Variants in CSMD1 observed in about 807,000 individuals in gnomAD.
The protein encoded by CSMD1 is CUB and sushi domain-containing protein 1.
A neutral mutation model predicts 417.5 loss-of-function variants in CSMD1; 213 were observed. That is an observed-to-expected ratio of 0.51 (90% CI 0.46 to 0.57). The LOEUF is 0.57. Among genes scored for constraint, CSMD1 ranks in the 20% least tolerant of loss-of-function variants. CSMD1 has a pLI of 0.00. For missense variants in CSMD1, 6,923 were observed against 4,529.7 expected (o/e 1.53, Z -15.17); for synonymous variants, 2,862 against 1,736.8 (o/e 1.65, Z -16.11).
chr8:3,707,280 G>C (rs550236770), intron 7 of CSMD1, among the ~76,000 whole-genome samples: 15 of 149,514 alleles, frequency 1.0e-4, no homozygotes, highest in Non-Finnish European at 2.1e-4. Flanking sequence ...TCATGCAGAA[G>C]TCTGCTCTAG....
intron 5 of CSMD1, among the ~76,000 whole-genome samples, chr8:3,894,540 C>T (rs1223302938): frequency 6.6e-6 from 1 of 152,046 alleles, no homozygotes; most frequent in Non-Finnish European, 1.5e-5. Flanking sequence ...ATGATAGATT[C>T]CTCAAAAGTG....
At chr8:4,378,876 C>A (rs1563111948) in intron 3 of CSMD1, among the ~76,000 whole-genome samples, 1 of 152,156 alleles carries the variant, frequency 6.6e-6, no homozygotes, top group Non-Finnish European at 1.5e-5. Flanking sequence ...TCAGCCCTTT[C>A]TCTAGTTGCT....
intron 1 of CSMD1, among the ~76,000 whole-genome samples, chr8:4,917,607 C>T (rs2117122966): frequency 6.6e-6 from 1 of 152,238 alleles, no homozygotes; most frequent in Admixed American, 6.5e-5. Context: ...GCACTCCAGC[C>T]TGGGCGACAG....
intron 37 of CSMD1, among the ~76,000 whole-genome samples, chr8:3,180,267 T>A (rs1585572848): frequency 1.3e-5 from 2 of 152,316 alleles, no homozygotes; most frequent in African/African-American, 4.8e-5. Context: ...ATTAACTCTG[T>A]CTCACATCCA....
intron 3 of CSMD1, among the ~76,000 whole-genome samples, chr8:4,072,093 T>C (rs1410807090): frequency 3.3e-5 from 5 of 152,122 alleles, no homozygotes; most frequent in Non-Finnish European, 7.4e-5. Flanking sequence ...GACCTGAAAA[T>C]CAAAAAATGG....
chr8:4,932,627 C>T (rs747352899), intron 1 of CSMD1, among the ~76,000 whole-genome samples: 4 of 152,134 alleles, frequency 2.6e-5, no homozygotes, highest in South Asian at 2.1e-4. Flanking sequence ...AGCAAGTTGA[C>T]GTGTTTCTAT....
At chr8:4,178,541 C>T (rs1268253379) in intron 3 of CSMD1, among the ~76,000 whole-genome samples, 32 of 151,188 alleles carry the variant, frequency 2.1e-4, no homozygotes, top group African/African-American at 6.1e-4. Flanking sequence ...TGCCCTCTCT[C>T]ACCACTCCTA....
intron 52 of CSMD1, 64 bp from the exon 53 acceptor site, chr8:3,000,195 C>G (rs1021959682): frequency 1.6e-5 from 20 of 1,223,810 alleles, no homozygotes; most frequent in Non-Finnish European, 2.1e-5. Context: ...AGTACATTCA[C>G]AACTTTTATT....
chr8:4,723,054 TCTC>T (rs1465308793), intron 1 of CSMD1, among the ~76,000 whole-genome samples: 1 of 152,112 alleles, frequency 6.6e-6, no homozygotes, highest in Non-Finnish European at 1.5e-5. Flanking sequence ...ACAGTATTGA[TCTC>T]CTTTCAAAAG....
intron 3 of CSMD1, among the ~76,000 whole-genome samples, chr8:4,332,233 G>A (rs1316969149): frequency 6.6e-6 from 1 of 152,046 alleles, no homozygotes; most frequent in East Asian, 1.9e-4. Context: ...CGAAGCTAAC[G>A]CTAGCCATTG....
intron 1 of CSMD1, among the ~76,000 whole-genome samples, chr8:4,950,225 T>C (rs1808650412): frequency 6.6e-6 from 1 of 152,206 alleles, no homozygotes; most frequent in African/African-American, 2.4e-5. Context: ...GATGCTTATC[T>C]AATTAAAAAT....
intron 1 of CSMD1, among the ~76,000 whole-genome samples, chr8:4,903,929 G>C (rs934196449): frequency 1.3e-5 from 2 of 152,158 alleles, no homozygotes. Context: ...ATTTCCTTGA[G>C]CCTATTACGG....
At chr8:3,039,103 G>A (rs1810894922) in intron 50 of CSMD1, among the ~76,000 whole-genome samples, 1 of 152,166 alleles carries the variant, frequency 6.6e-6, no homozygotes, top group African/African-American at 2.4e-5. Context: ...TAGAGAAAGT[G>A]GGTGGTTGGC....
At chr8:3,717,449 T>A (rs10091933) in intron 6 of CSMD1, among the ~76,000 whole-genome samples, 53,861 of 151,942 alleles carry the variant, frequency 0.35, 10,188 homozygotes, top group East Asian at 0.5. Context: ...TTATTGTAAC[T>A]GTGAAATATT....
At chr8:4,756,845 C>G (rs899509861) in intron 1 of CSMD1, among the ~76,000 whole-genome samples, 1 of 152,166 alleles carries the variant, frequency 6.6e-6, no homozygotes, top group African/African-American at 2.4e-5. Context: ...AACACAGTGA[C>G]TGAAAAAGGG....
Position 4,880,953 on chromosome 8 carries a change from C to G in CSMD1, c.85+113379G>C, listed in dbSNP as rs142599436. ...GACTTAGCAAACACCCAGAATGGGC[C>G]AGGAATCCATGTTCTCACTATTTCT... On this transcript the variant is annotated intron_variant, in intron 1 of 69. Transcript: ENST00000635120. Among the ~76,000 whole-genome samples the G allele has an allele frequency of 1.6e-3, 242 of 152,104 alleles. 5 individuals are homozygous for G. The highest frequency in any genetic ancestry group is 5.7e-3 in the African/African-American group (238 of 41,456).
intron 3 of CSMD1, among the ~76,000 whole-genome samples, chr8:4,204,926 C>T (rs966517007): frequency 2.0e-5 from 3 of 152,140 alleles, no homozygotes; most frequent in Non-Finnish European, 4.4e-5. Flanking sequence ...TCCCAAAGTG[C>T]TGGGATTACA....
chr8:4,915,762 G>A (rs1806022608), intron 1 of CSMD1, among the ~76,000 whole-genome samples: 1 of 152,194 alleles, frequency 6.6e-6, no homozygotes, highest in Non-Finnish European at 1.5e-5. Context: ...TTCCTGGCGG[G>A]GATTCAAACT....
chr8:3,813,267 T>G (rs1801185550), intron 5 of CSMD1, among the ~76,000 whole-genome samples: 1 of 152,144 alleles, frequency 6.6e-6, no homozygotes, highest in African/African-American at 2.4e-5. Flanking sequence ...ATCAAATTGC[T>G]ATCCATGCAA....
Sources: allele counts gnomAD v4.1 joint callset (sites outside exome capture counted in the v4.1 genomes callset), GRCh38; gene constraint gnomAD v4.1.1; transcripts MANE v1.5; gene names NCBI Gene and HGNC (gene_info 2026-07-23, HGNC 2026-07-21).